Variants in MED13L observed in about 807,000 individuals in gnomAD.
The protein encoded by MED13L is mediator of RNA polymerase II transcription subunit 13-like.
Under a neutral mutation model 220.9 loss-of-function variants are expected in MED13L, and 7 were observed. The observed-to-expected ratio is 0.03, with a 90% CI of 0.02 to 0.06. The LOEUF (loss-of-function observed/expected upper bound fraction) is 0.06. Among genes scored for constraint, MED13L ranks in the 10% least tolerant of loss-of-function variants. The probability of loss-of-function intolerance (pLI) is 1.00; values close to 1 mark genes in which losing one functional copy is unlikely to be tolerated. For synonymous variants in MED13L, 1,011 were observed against 1,015.2 expected, an observed-to-expected ratio of 1.00 and a Z score of 0.08; for missense variants, 1,965 against 2,760.5, an observed-to-expected ratio of 0.71 and a Z score of 6.46.
intron 2 of MED13L, among the ~76,000 whole-genome samples, chr12:116,154,631 G>C (rs1878289706): frequency 6.6e-6 from 1 of 152,086 alleles, no homozygotes; most frequent in African/African-American, 2.4e-5. Context: ...TGGCAGTAGT[G>C]CTTACGAGAC....
At chr12:116,034,180 A>G (rs1019748805) in intron 4 of MED13L, among the ~76,000 whole-genome samples, 1 of 152,136 alleles carries the variant, frequency 6.6e-6, no homozygotes, top group South Asian at 2.1e-4. Flanking sequence ...TTCGATTTTT[A>G]TAAGTTTATG....
At chr12:116,039,106 TTC>T (rs377501633) in intron 4 of MED13L, among the ~76,000 whole-genome samples, 4 of 152,236 alleles carry the variant, frequency 2.6e-5, no homozygotes, top group South Asian at 2.1e-4. Context: ...TAAAATTATT[TTC>T]TGTGTCTATT....
intron 2 of MED13L, among the ~76,000 whole-genome samples, chr12:116,165,287 T>TTG (rs1167223483): frequency 2.5e-5 from 3 of 121,744 alleles, no homozygotes; most frequent in African/African-American, 9.1e-5. Context: ...TTTTTTTTTT[T>TTG]GACTACTAGA....
chr12:116,197,806 C>T (rs1041456267), intron 2 of MED13L, among the ~76,000 whole-genome samples: 2 of 151,728 alleles, frequency 1.3e-5, no homozygotes, highest in Admixed American at 1.3e-4. Context: ...AGTTACTCAC[C>T]AGCTGCTAGC....
intron 1 of MED13L, 34 bp from the exon 2 acceptor site, chr12:116,237,739 C>T (rs1182603248): frequency 1.3e-6 from 2 of 1,572,778 alleles, no homozygotes; most frequent in East Asian, 2.2e-5. Context: ...ATCGTTTTCT[C>T]ATTTTACTTA....
chr12:116,276,350 G>GTGTGTC (rs1278236398), intron 1 of MED13L: 1 of 713,160 alleles, frequency 1.4e-6, no homozygotes, highest in Non-Finnish European at 2.1e-6. Flanking sequence ...GTGTGTGTGT[G>GTGTGTC]TGCGGATTCG....
At chr12:116,180,931 CTTTTT>C (rs11320330) in intron 2 of MED13L, among the ~76,000 whole-genome samples, 3 of 121,114 alleles carry the variant, frequency 2.5e-5, no homozygotes, top group Non-Finnish European at 3.5e-5. Context: ...TTCTCTCTCT[CTTTTT>C]TTTTTTTTTT....
At chr12:116,034,570 C>A (rs553639302) in intron 4 of MED13L, among the ~76,000 whole-genome samples, 1 of 152,270 alleles carries the variant, frequency 6.6e-6, no homozygotes, top group South Asian at 2.1e-4. Context: ...CCTAAGGTAG[C>A]CTATATTCTC....
At position 116,269,098 on chromosome 12, in the gene MED13L, C is replaced by A. The variant is rs970908421; in HGVS notation, c.72+7962G>T. On this transcript the variant is annotated intron_variant, in intron 1 of 30. Transcript: ENST00000281928. Reference sequence around the variant, plus strand: ...TTTGTTTGAGACAGTCTCGTTCTGTCATCAGGCTGGAGTGCAGTGGCACAA... The same window carrying A: ...TTTGTTTGAGACAGTCTCGTTCTGTAATCAGGCTGGAGTGCAGTGGCACAA... 2.6e-5 allele frequency among the ~76,000 whole-genome samples: 4 copies of A among 152,128 alleles called. No individual in the cohort carries two copies. In the East Asian group the frequency reaches 7.7e-4, roughly 29 times the overall value.
chr12:116,109,659 T>G (rs1249035645), intron 3 of MED13L, among the ~76,000 whole-genome samples: 1 of 152,204 alleles, frequency 6.6e-6, no homozygotes, highest in Non-Finnish European at 1.5e-5. Context: ...TGGTACAGGA[T>G]TATGGCAACA....
intron 2 of MED13L, among the ~76,000 whole-genome samples, chr12:116,210,085 C>G (rs564812435): frequency 6.6e-6 from 1 of 152,136 alleles, no homozygotes; most frequent in African/African-American, 2.4e-5. Flanking sequence ...CCCACTGCAA[C>G]TTACATATGA....
At chr12:116,096,580 C>T in intron 4 of MED13L, 89 bp downstream of exon 4, 1 of 939,424 alleles carries the variant, frequency 1.1e-6, no homozygotes, top group Non-Finnish European at 1.7e-6. Context: ...AAACTACTAA[C>T]ATTATTAGGA....
chr12:116,046,850 GT>G (rs1261344777), intron 4 of MED13L, among the ~76,000 whole-genome samples: 1 of 152,152 alleles, frequency 6.6e-6, no homozygotes. Flanking sequence ...GTGGGTGCCT[GT>G]AGTCCCAGCT....
chr12:116,183,864 T>A (rs1880707102), intron 2 of MED13L, among the ~76,000 whole-genome samples: 3 of 151,132 alleles, frequency 2.0e-5, no homozygotes, highest in East Asian at 2.0e-4. Context: ...TTTAAAAAAA[T>A]GTGTGTATAT....
At chr12:116,083,205 G>A (rs954212820) in intron 4 of MED13L, among the ~76,000 whole-genome samples, 13 of 151,860 alleles carry the variant, frequency 8.6e-5, no homozygotes, top group Non-Finnish European at 1.9e-4. Flanking sequence ...CCAGGAGTTC[G>A]AGACCAGCCT....
chr12:115,986,671 TTAAG>T (rs142510913), intron 18 of MED13L, among the ~76,000 whole-genome samples, 182 bp from the exon 19 acceptor site: 134 of 152,090 alleles, frequency 8.8e-4, no homozygotes, highest in African/African-American at 2.6e-3. Context: ...GGACTCTTAA[TTAAG>T]TAAGTCAGAA....
At chr12:116,089,567 G>C (rs76467658) in intron 4 of MED13L, among the ~76,000 whole-genome samples, 1 of 152,048 alleles carries the variant, frequency 6.6e-6, no homozygotes. Flanking sequence ...ATAATCTCAA[G>C]AGTCTTAAAT....
intron 2 of MED13L, among the ~76,000 whole-genome samples, chr12:116,155,157 C>T (rs1878335621): frequency 6.6e-6 from 1 of 152,162 alleles, no homozygotes; most frequent in African/African-American, 2.4e-5. Flanking sequence ...GGCACAGGGG[C>T]TCATGCCTGT....
At chr12:116,043,380 T>C (rs1341051883) in intron 4 of MED13L, among the ~76,000 whole-genome samples, 8 of 152,248 alleles carry the variant, frequency 5.3e-5, no homozygotes, top group African/African-American at 9.6e-5. Context: ...TTAATCCTTT[T>C]ATATTTAAAT....
Sources: allele counts gnomAD v4.1 joint callset (sites outside exome capture counted in the v4.1 genomes callset), GRCh38; gene constraint gnomAD v4.1.1; transcripts MANE v1.5; gene names NCBI Gene and HGNC (gene_info 2026-07-23, HGNC 2026-07-21).